Variants in RBM47 observed in about 807,000 individuals in gnomAD.
RBM47 encodes RNA-binding protein 47.
RBM47 carries 21 observed loss-of-function variants against 47.1 expected under a neutral mutation model. That is an observed-to-expected ratio of 0.45 (90% CI 0.32 to 0.64). The LOEUF is 0.64. RBM47 is among the 30% of genes least tolerant of loss of function. The pLI is 0.05. For synonymous variants in RBM47, 375 were observed against 361.7 expected, an observed-to-expected ratio of 1.04 and a Z score of -0.42; for missense variants, 708 against 870.9, an observed-to-expected ratio of 0.81 and a Z score of 2.35.
intron 1 of RBM47, among the ~76,000 whole-genome samples, chr4:40,599,834 G>A (rs1735083833): frequency 6.6e-6 from 1 of 151,964 alleles, no homozygotes; most frequent in South Asian, 2.1e-4. Context: ...TCCCAGCTAA[G>A]CTCTGCCCAA....
intron 3 of RBM47, among the ~76,000 whole-genome samples, chr4:40,457,201 C>T (rs377611279): frequency 6.6e-6 from 1 of 151,710 alleles, no homozygotes; most frequent in East Asian, 2.0e-4. Context: ...GAGCGGATCA[C>T]CTGAGATCAG....
intron 1 of RBM47, among the ~76,000 whole-genome samples, chr4:40,576,472 T>A (rs1395248972): frequency 6.6e-6 from 1 of 152,186 alleles, no homozygotes; most frequent in Admixed American, 6.5e-5. Context: ...ACCTAGCCCC[T>A]GTGATCAACT....
At chr4:40,561,227 C>CTTT (rs1176318537) in intron 1 of RBM47, among the ~76,000 whole-genome samples, 1,777 of 113,574 alleles carry the variant, frequency 0.016, 60 homozygotes, top group African/African-American at 0.057. Context: ...TTTCCATTGT[C>CTTT]TTTTTTTTTT....
chr4:40,433,914 G>C (rs924334398), intron 5 of RBM47, among the ~76,000 whole-genome samples: 1 of 147,118 alleles, frequency 6.8e-6, no homozygotes, highest in Non-Finnish European at 1.5e-5. Flanking sequence ...GATTCAAACA[G>C]CAGCTATTGA....
At chr4:40,485,206 G>T (rs767957756) in intron 2 of RBM47, among the ~76,000 whole-genome samples, 1 of 152,130 alleles carries the variant, frequency 6.6e-6, no homozygotes, top group Non-Finnish European at 1.5e-5. Flanking sequence ...TTATTGACAA[G>T]AATTCCAAAC....
chr4:40,426,177 A>G, intron 6 of RBM47, 34 bp from the exon 7 acceptor site: 1 of 1,606,822 alleles, frequency 6.2e-7, no homozygotes, highest in Non-Finnish European at 8.5e-7. Context: ...GCCTTCCTGA[A>G]CACGTGTATG....
rs751213817 is a variant in RBM47 at position 40,438,191 on chromosome 4, T to C, written c.703A>G (p.Ile235Val). 2 of 1,608,880 alleles carry C rather than the reference T, an allele frequency of 1.2e-6. No homozygotes were observed. Among genetic ancestry groups the C allele is most frequent in the African/African-American group, 2.7e-5 (2 of 74,912 alleles). ...QIAVDWAEPEIDVDEDVMETV... is the reference protein window; with the variant it reads ...QIAVDWAEPEVDVDEDVMETV... ...TCCATCACGTCCTCGTCCACGTCGA[T>C]CTCAGGTTCGGCCCAGTCCACGGCG... Residue 235 changes from isoleucine to valine, a missense_variant, in exon 4 of 7, where the codon ATC (isoleucine) becomes GTC (valine). By Grantham distance (29) the Ile-to-Val change is conservative. Transcript: ENST00000295971.
At chr4:40,583,720 CG>C (rs920403656) in intron 1 of RBM47, among the ~76,000 whole-genome samples, 1 of 150,286 alleles carries the variant, frequency 6.7e-6, no homozygotes, top group Non-Finnish European at 1.5e-5. Context: ...TAGCCGGGCG[CG>C]GTGGCGGGCG....
intron 2 of RBM47, among the ~76,000 whole-genome samples, chr4:40,515,188 GAAACTTGCTGGCACCA>G (rs776141252): frequency 7.5e-4 from 114 of 152,288 alleles, no homozygotes; most frequent in Admixed American, 1.9e-3. Context: ...AAGGATAACA[GAAACTTGCTGGCACCA>G]AACTATTAGA....
chr4:40,464,547 C>G (rs536267395), intron 3 of RBM47, among the ~76,000 whole-genome samples: 2 of 151,930 alleles, frequency 1.3e-5, no homozygotes, highest in Non-Finnish European at 2.9e-5. Context: ...CAGTTGACAA[C>G]GGGTAACTGA....
chr4:40,605,154 C>A (rs1044216165), intron 1 of RBM47, among the ~76,000 whole-genome samples: 1 of 151,240 alleles, frequency 6.6e-6, no homozygotes, highest in African/African-American at 2.4e-5. Context: ...CCCCAAGTAG[C>A]TGGGATTACA....
At chr4:40,451,145 G>A (rs1033760662) in intron 3 of RBM47, among the ~76,000 whole-genome samples, 6 of 140,256 alleles carry the variant, frequency 4.3e-5, no homozygotes, top group Admixed American at 7.6e-5. Context: ...CCAGGAGTTC[G>A]AGACCAGCCT....
chr4:40,461,850 G>A (rs562165928), intron 3 of RBM47, among the ~76,000 whole-genome samples: 4 of 151,658 alleles, frequency 2.6e-5, no homozygotes, highest in East Asian at 1.9e-4. Flanking sequence ...TAGGAGAATC[G>A]CTTGAACCTG....
rs116366748 is a variant in RBM47, at chr4:40,501,783, T to G, written c.-154-35084A>C. 4.8e-3 allele frequency among the ~76,000 whole-genome samples: 735 copies of G among 152,294 alleles called. 8 individuals are homozygous for G. Among genetic ancestry groups the G allele is most frequent in the African/African-American group, 0.017 (698 of 41,562 alleles). On this transcript the variant is annotated intron_variant, in intron 2 of 6. Coordinates refer to ENST00000295971, the MANE Select transcript of RBM47 (RefSeq NM_001098634.2). ...ACTAATGCCTTTTCCATTGCAATGGTGAGCAGAAGCTTCCAATACACTTTA... is the reference window on the plus strand; with the variant it reads ...ACTAATGCCTTTTCCATTGCAATGGGGAGCAGAAGCTTCCAATACACTTTA...
At chr4:40,527,739 T>G (rs1726888619) in intron 2 of RBM47, among the ~76,000 whole-genome samples, 1 of 130,892 alleles carries the variant, frequency 7.6e-6, no homozygotes, top group Non-Finnish European at 1.6e-5. Context: ...CTGCTAGTTT[T>G]CATTGTGTGT....
chr4:40,529,941 T>C (rs1645085532), intron 2 of RBM47, among the ~76,000 whole-genome samples: 1 of 138,062 alleles, frequency 7.2e-6, no homozygotes, highest in African/African-American at 2.7e-5. Context: ...CTTTTTTTTT[T>C]TTTTTTTTTT....
chr4:40,538,784 C>A (rs1353563317), intron 2 of RBM47, among the ~76,000 whole-genome samples: 1 of 151,910 alleles, frequency 6.6e-6, no homozygotes, highest in Non-Finnish European at 1.5e-5. Flanking sequence ...CAGATGTGCA[C>A]CACAACACCC....
intron 2 of RBM47, among the ~76,000 whole-genome samples, chr4:40,497,291 A>G (rs1722732815): frequency 6.6e-6 from 1 of 152,056 alleles, no homozygotes; most frequent in Non-Finnish European, 1.5e-5. Flanking sequence ...TCCTTCTAAT[A>G]TCCTGCCATG....
At chr4:40,438,971 C>T (rs1713204819) in intron 3 of RBM47, 47 bp from the exon 4 acceptor site, 1 of 1,428,088 alleles carries the variant, frequency 7.0e-7, no homozygotes, top group African/African-American at 1.4e-5. Context: ...TGGATCTTGC[C>T]TCTTTTGGGT....
Sources: gnomAD v4.1 joint callset for allele counts (sites outside exome capture counted in the v4.1 genomes callset) on GRCh38, gnomAD v4.1.1 for gene constraint, MANE v1.5 for transcripts, NCBI Gene and HGNC (gene_info 2026-07-23, HGNC 2026-07-21) for gene names.